The following MEGF10 variants were observed in gnomAD, a reference collection of about 807,000 sequenced individuals.
MEGF10 encodes the protein multiple epidermal growth factor-like domains protein 10.
In MEGF10, 86 loss-of-function variants were observed where a neutral mutation model predicts 147.5. The ratio of observed to expected loss-of-function variants is 0.58; its 90% CI spans 0.49 to 0.70. MEGF10 has a LOEUF of 0.70. Among genes scored for constraint, MEGF10 ranks in the 30% least tolerant of loss-of-function variants. MEGF10 has a pLI of 0.00. For synonymous variants in MEGF10, 478 were observed against 525.5 expected (o/e 0.91, Z 1.24); for missense variants, 1,329 against 1,487.3 (o/e 0.89, Z 1.75).
chr5:127,385,630 T>C (rs1387100187), intron 5 of MEGF10, among the ~76,000 whole-genome samples: 1 of 152,190 alleles, frequency 6.6e-6, no homozygotes, highest in Admixed American at 6.5e-5. Flanking sequence ...GTAACACCAG[T>C]GGGGTTAGTT....
chr5:127,436,078 G>C (rs1395733174), intron 16 of MEGF10, among the ~76,000 whole-genome samples: 14 of 152,192 alleles, frequency 9.2e-5, no homozygotes, highest in Non-Finnish European at 1.5e-5. Context: ...GAAAGGGTCA[G>C]TGCAATGTCT....
intron 1 of MEGF10, among the ~76,000 whole-genome samples, chr5:127,294,835 T>TAATAATAAA (rs56033520): frequency 0.21 from 30,410 of 142,934 alleles, 3,656 homozygotes; most frequent in Non-Finnish European, 0.28. Flanking sequence ...ATAATAATAA[T>TAATAATAAA]AAATAACTTG....
the MEGF10 span, among the ~76,000 whole-genome samples, chr5:127,266,020 C>T: frequency 3.9e-5 from 6 of 152,052 alleles, no homozygotes; most frequent in African/African-American, 7.3e-5. Flanking sequence ...AATGGCATTG[C>T]CTAGGTTTTC....
chr5:127,382,188 A>G (rs73346910), intron 5 of MEGF10, among the ~76,000 whole-genome samples: 8,392 of 152,286 alleles, frequency 0.055, 494 homozygotes, highest in African/African-American at 0.15. Context: ...ATTTGTGCCT[A>G]TAGCCTGGAG....
At chr5:127,363,860 A>T (rs1481546707) in intron 4 of MEGF10, among the ~76,000 whole-genome samples, 5 of 152,200 alleles carry the variant, frequency 3.3e-5, no homozygotes, top group African/African-American at 1.2e-4. Flanking sequence ...CCATTTATGG[A>T]CATCACACAT....
In MEGF10 at chr5:127,398,785, T is replaced by C. The variant is rs1482140533; in HGVS notation, c.769T>C (p.Ser257Pro). ...HHVTGECSCP[S>P]GWMGTVCGQP... ...CGTCACTGGAGAATGCTCTTGCCCT[T>C]CTGGCTGGATGGTAAGCTTCCTTCC... is the stretch of plus-strand genomic sequence containing the variant. The change falls in exon 7 of 25, where the codon TCT becomes CCT. Residue 257 changes from serine (S) to proline (P), a missense_variant. Around this residue, in one of 3 missense-constraint regions of MEGF10, gnomAD observed 980 missense variants for 1,085.9 expected, o/e 0.90. Coordinates refer to ENST00000503335, the MANE Select transcript of MEGF10 (RefSeq NM_001256545.2). The C allele has an allele frequency of 2.5e-6, 4 of 1,613,736 alleles. No homozygotes were observed. Among genetic ancestry groups the C allele is most frequent in the Non-Finnish European group, 3.4e-6 (4 of 1,179,844 alleles).
chr5:127,229,565 C>G, the MEGF10 span: 5 of 150,304 alleles, frequency 3.3e-5, no homozygotes, highest in African/African-American at 1.3e-4. Flanking sequence ...GCTCACGCGC[C>G]GAGGAGTGAA....
chr5:127,284,146 A>G, the MEGF10 span, among the ~76,000 whole-genome samples: 1 of 152,284 alleles, frequency 6.6e-6, no homozygotes, highest in South Asian at 2.1e-4. Flanking sequence ...AAAAACCTGG[A>G]CAAGAGTCAT....
At chr5:127,418,122 A>G (rs1764847796) in intron 10 of MEGF10, among the ~76,000 whole-genome samples, 1 of 152,208 alleles carries the variant, frequency 6.6e-6, no homozygotes, top group Admixed American at 6.5e-5. Flanking sequence ...CAAAGAAGTT[A>G]CTTTTCCAAG....
intron 5 of MEGF10, among the ~76,000 whole-genome samples, chr5:127,393,050 T>C (rs555552848): frequency 1.3e-5 from 2 of 152,344 alleles, no homozygotes; most frequent in South Asian, 4.1e-4. Context: ...TAATCTGAAA[T>C]AAAATTCTGT....
chr5:127,298,697 G>A (rs2126708895), intron 1 of MEGF10, among the ~76,000 whole-genome samples: 1 of 152,174 alleles, frequency 6.6e-6, no homozygotes, highest in South Asian at 2.1e-4. Context: ...TTAGTGACTT[G>A]GCCAGAGGGG....
chr5:127,408,126 G>A (rs1764403513), intron 8 of MEGF10, among the ~76,000 whole-genome samples: 1 of 152,190 alleles, frequency 6.6e-6, no homozygotes, highest in African/African-American at 2.4e-5. Context: ...GAGAAAGGAA[G>A]TCTCTGCCAA....
chr5:127,389,422 A>G (rs544796923), intron 5 of MEGF10, among the ~76,000 whole-genome samples: 7 of 152,382 alleles, frequency 4.6e-5, no homozygotes, highest in Admixed American at 3.9e-4. Context: ...ATTATTGGGT[A>G]TATATCCAGA....
chr5:127,433,053 T>C (rs116477503), intron 13 of MEGF10, among the ~76,000 whole-genome samples: 314 of 152,322 alleles, frequency 2.1e-3, no homozygotes, highest in Middle Eastern at 6.8e-3. Context: ...AGATATCGTA[T>C]TGTTGATAAA....
the MEGF10 span, among the ~76,000 whole-genome samples, chr5:127,231,173 C>A: frequency 6.6e-6 from 1 of 152,178 alleles, no homozygotes; most frequent in Non-Finnish European, 1.5e-5. Context: ...CACTCTTCAC[C>A]CTGTAGTCAT....
chr5:127,435,282 G>A (rs1765516015), intron 15 of MEGF10, 79 bp from the exon 16 acceptor site: 9 of 1,558,878 alleles, frequency 5.8e-6, no homozygotes, highest in East Asian at 2.3e-5. Flanking sequence ...GACCTTTAAA[G>A]TTATTTCCTG....
intron 13 of MEGF10, chr5:127,424,640 G>A (rs1166653258): frequency 2.6e-6 from 3 of 1,136,168 alleles, no homozygotes; most frequent in Non-Finnish European, 1.1e-6. Flanking sequence ...GCTACCTTGG[G>A]AAACAGGCTA....
intron 13 of MEGF10, among the ~76,000 whole-genome samples, chr5:127,430,361 C>T (rs987933452): frequency 1.3e-5 from 2 of 152,142 alleles, no homozygotes; most frequent in Non-Finnish European, 2.9e-5. Flanking sequence ...CACATGTACC[C>T]ACACAGAGCC....
chr5:127,247,339 A>G, the MEGF10 span, among the ~76,000 whole-genome samples: 1,276 of 5,096 alleles, frequency 0.25, 58 homozygotes, highest in Non-Finnish European at 0.27. Context: ...GAAGAAGAAG[A>G]AGAAGAAGAA....
Sources: allele counts gnomAD v4.1 joint callset (sites outside exome capture counted in the v4.1 genomes callset), GRCh38; gene constraint gnomAD v4.1.1; regional missense constraint gnomAD v4.1.1; transcripts MANE v1.5; gene names NCBI Gene and HGNC (gene_info 2026-07-23, HGNC 2026-07-21).